The following PTPRD variants were observed in gnomAD, a reference collection of about 807,000 sequenced individuals.
PTPRD encodes the protein protein tyrosine phosphatase receptor type D, also known as receptor-type tyrosine-protein phosphatase delta.
A neutral mutation model predicts 214.5 loss-of-function variants in PTPRD; 34 were observed. That is an observed-to-expected ratio of 0.16 (90% CI 0.12 to 0.21). The LOEUF is 0.21. Among genes scored for constraint, PTPRD ranks in the 10% least tolerant of loss-of-function variants. The probability of loss-of-function intolerance (pLI) is 1.00; values close to 1 mark genes in which losing one functional copy is unlikely to be tolerated. For missense variants in PTPRD, 2,545 were observed against 2,398.7 expected (o/e 1.06, Z -1.27); for synonymous variants, 1,128 against 845.7 (o/e 1.33, Z -5.79).
chr9:8,983,250 G>A (rs1245104704), intron 11 of PTPRD, among the ~76,000 whole-genome samples: 1 of 151,818 alleles, frequency 6.6e-6, no homozygotes, highest in Non-Finnish European at 1.5e-5. Context: ...AAATTTCATT[G>A]AGTTATTCTA....
intron 4 of PTPRD, among the ~76,000 whole-genome samples, chr9:9,947,218 G>T (rs1403035650): frequency 1.4e-5 from 2 of 139,570 alleles, no homozygotes; most frequent in African/African-American, 2.7e-5. Context: ...TTTCAGTAAG[G>T]TACTTTGGAA....
chr9:9,120,111 A>G (rs1210379093), intron 10 of PTPRD, among the ~76,000 whole-genome samples: 2 of 152,210 alleles, frequency 1.3e-5, no homozygotes, highest in Non-Finnish European at 2.9e-5. Context: ...TGGTCTAAAT[A>G]GCAAATGATG....
chr9:9,427,667 G>C (rs1454903700), intron 8 of PTPRD, among the ~76,000 whole-genome samples: 1 of 152,270 alleles, frequency 6.6e-6, no homozygotes, highest in Middle Eastern at 3.4e-3. Context: ...AGAGAGAAAG[G>C]TTGGGTTACC....
At chr9:8,962,859 T>G (rs552310485) in intron 11 of PTPRD, 1 of 152,170 alleles carries the variant, frequency 6.6e-6, no homozygotes, top group Non-Finnish European at 1.5e-5. Context: ...TTGAAAACAG[T>G]ATGGAATCAT....
chr9:10,194,440 A>G (rs1175843794), intron 3 of PTPRD, among the ~76,000 whole-genome samples: 1 of 149,838 alleles, frequency 6.7e-6, no homozygotes, highest in African/African-American at 2.5e-5. Flanking sequence ...AATGGCTGTT[A>G]GAGATTATAT....
At chr9:10,204,420 T>G (rs575870972) in intron 3 of PTPRD, among the ~76,000 whole-genome samples, 16 of 152,240 alleles carry the variant, frequency 1.1e-4, no homozygotes, top group African/African-American at 3.9e-4. Flanking sequence ...ACACTAAGTT[T>G]TATCACTCCC....
chr9:8,756,647 T>G (rs1218622880), intron 11 of PTPRD, among the ~76,000 whole-genome samples: 2 of 152,124 alleles, frequency 1.3e-5, no homozygotes. Context: ...CCAAGCCTAG[T>G]CCATGCTTAG....
chr9:10,038,824 C>T (rs2097240790), intron 3 of PTPRD, among the ~76,000 whole-genome samples: 1 of 151,934 alleles, frequency 6.6e-6, no homozygotes, highest in Non-Finnish European at 1.5e-5. Context: ...ATTATTGTAT[C>T]TATTCCCTCC....
intron 11 of PTPRD, among the ~76,000 whole-genome samples, chr9:8,760,174 AC>A (rs1270030751): frequency 1.3e-5 from 2 of 152,070 alleles, no homozygotes; most frequent in Non-Finnish European, 2.9e-5. Context: ...CAGGTGATCC[AC>A]CCACTTCGGC....
intron 9 of PTPRD, among the ~76,000 whole-genome samples, chr9:9,389,951 G>C (rs557110397): frequency 6.6e-6 from 1 of 152,312 alleles, no homozygotes; most frequent in South Asian, 2.1e-4. Context: ...AGGTAGGTAA[G>C]TGCTCTGGAG....
At chr9:8,718,332 G>A (rs972339882) in intron 12 of PTPRD, among the ~76,000 whole-genome samples, 46 of 152,072 alleles carry the variant, frequency 3.0e-4, no homozygotes, top group African/African-American at 9.2e-4. Context: ...ATCTCAGAAC[G>A]CAAGTAACTG....
intron 10 of PTPRD, among the ~76,000 whole-genome samples, chr9:9,062,425 G>C (rs1257728299): frequency 6.6e-6 from 1 of 152,104 alleles, no homozygotes; most frequent in East Asian, 1.9e-4. Context: ...TTCAAGATTT[G>C]TGAGTATGTT....
intron 5 of PTPRD, among the ~76,000 whole-genome samples, chr9:9,779,460 A>G (rs1185861287): frequency 6.6e-6 from 1 of 152,204 alleles, no homozygotes; most frequent in East Asian, 1.9e-4. Context: ...TGCATCCAAC[A>G]AAGGTCTAAT....
intron 36 of PTPRD, among the ~76,000 whole-genome samples, chr9:8,391,705 A>C (rs116993484): frequency 1.3e-5 from 2 of 152,170 alleles, no homozygotes; most frequent in South Asian, 4.1e-4. Context: ...CTTTTTTCTA[A>C]GAAAACTCAG....
intron 2 of PTPRD, among the ~76,000 whole-genome samples, chr9:10,548,184 G>C (rs1307485877): frequency 6.6e-6 from 1 of 152,150 alleles, no homozygotes; most frequent in Non-Finnish European, 1.5e-5. Flanking sequence ...AGTCTGGGAA[G>C]TGACAGAAAC....
chr9:10,318,154 C>T (rs2096481423), intron 3 of PTPRD, among the ~76,000 whole-genome samples: 1 of 152,004 alleles, frequency 6.6e-6, no homozygotes, highest in African/African-American at 2.4e-5. Context: ...TGGAGGCTTG[C>T]TCTTCCTGCA....
chr9:9,560,492 G>A (rs1050958031), intron 8 of PTPRD, among the ~76,000 whole-genome samples: 4 of 152,174 alleles, frequency 2.6e-5, no homozygotes, highest in Non-Finnish European at 5.9e-5. Flanking sequence ...ACACTCACAG[G>A]GAATCTGTCC....
intron 39 of PTPRD, among the ~76,000 whole-genome samples, chr9:8,350,208 G>T (rs945454046): frequency 6.6e-6 from 1 of 152,166 alleles, no homozygotes; most frequent in Admixed American, 6.5e-5. Flanking sequence ...TTATGCTAAA[G>T]TCATTCTGGA....
intron 8 of PTPRD, among the ~76,000 whole-genome samples, chr9:9,564,882 C>CCG (rs2083960815): frequency 3.0e-5 from 1 of 33,218 alleles, no homozygotes. Flanking sequence ...CTTGAATCTT[C>CCG]TGTTTTTTTT....
Sources: allele counts gnomAD v4.1 joint callset (sites outside exome capture counted in the v4.1 genomes callset), GRCh38; gene constraint gnomAD v4.1.1; transcripts MANE v1.5; gene names NCBI Gene and HGNC (gene_info 2026-07-23, HGNC 2026-07-21).